ATP11A: variants seen among roughly 807,000 people sequenced by gnomAD.
The protein encoded by ATP11A is ATPase phospholipid transporting 11A.
Under a neutral mutation model 154.4 loss-of-function variants are expected in ATP11A, and 81 were observed. The observed-to-expected ratio is 0.52, with a 90% CI of 0.44 to 0.63. ATP11A has a LOEUF of 0.63. ATP11A is among the 30% of genes least tolerant of loss of function. The pLI, the probability that ATP11A is intolerant of heterozygous loss-of-function variation, is 0.00. For synonymous variants in ATP11A, 623 were observed against 585.9 expected, an observed-to-expected ratio of 1.06 and a Z score of -0.91; for missense variants, 1,316 against 1,474.3, an observed-to-expected ratio of 0.89 and a Z score of 1.76.
intron 29 of ATP11A, among the ~76,000 whole-genome samples, chr13:112,878,697 C>T (rs1287337021): frequency 6.6e-6 from 1 of 152,236 alleles, no homozygotes; most frequent in Non-Finnish European, 1.5e-5. Context: ...ACACCCTTCC[C>T]TCTGCAGCCT....
chr13:112,774,260 C>T (rs554089164), intron 1 of ATP11A, among the ~76,000 whole-genome samples: 2 of 152,324 alleles, frequency 1.3e-5, no homozygotes, highest in East Asian at 3.9e-4. Context: ...CAGCTGATGC[C>T]TCCCAGGTTT....
rs546493440 is a variant in ATP11A, at chr13:112,815,313, C to T, written c.442-770C>T. 2.0e-5 allele frequency among the ~76,000 whole-genome samples: 3 copies of T among 151,706 alleles called. No individual in the cohort carries two copies. In the East Asian group the frequency reaches 5.9e-4, roughly 30 times the overall value. On this transcript the variant is annotated intron_variant, in intron 5 of 29. Coordinates refer to ENST00000375645, the MANE Select transcript of ATP11A (RefSeq NM_015205.3). ...TTCCACACCCTTCAGACACACAGTC[C>T]AGATCTGCGATACCTTCCACACCCT...
At chr13:112,712,067 T>C (rs1594373742) in intron 1 of ATP11A, among the ~76,000 whole-genome samples, 1 of 151,970 alleles carries the variant, frequency 6.6e-6, no homozygotes, top group East Asian at 1.9e-4. Context: ...TGTCGATGAG[T>C]TTAAAAAACA....
chr13:112,789,251 T>A (rs1266151627), intron 2 of ATP11A, among the ~76,000 whole-genome samples: 3 of 148,278 alleles, frequency 2.0e-5, no homozygotes, highest in African/African-American at 7.7e-5. Context: ...CCACACCGGG[T>A]GTCCTGATGC....
intron 1 of ATP11A, among the ~76,000 whole-genome samples, chr13:112,704,770 C>T (rs1013595443): frequency 1.3e-5 from 2 of 152,244 alleles, no homozygotes; most frequent in African/African-American, 4.8e-5. Flanking sequence ...TAAATAATCT[C>T]CTGCTTCAGA....
At position 112,690,813 on chromosome 13, in the gene ATP11A, C is replaced by A. The variant is rs1002626356; in HGVS notation, c.39+358C>A. ...GGACCGGGCGCCCGGAGGGAGCCAA[C>A]TTCGACCCCGCCGGGGCCCGGGTCT... On this transcript the variant is annotated intron_variant, in intron 1 of 29. Coordinates refer to ENST00000375645, the MANE Select transcript of ATP11A (RefSeq NM_015205.3). The surrounding 1 kb of genome is among the most constrained non-coding windows in gnomAD (Gnocchi z 5.6). Among the ~76,000 whole-genome samples the A allele has an allele frequency of 6.6e-6, 1 of 152,110 alleles. No individual in the cohort carries two copies. Among genetic ancestry groups the A allele is most frequent in the Admixed American group, 6.5e-5 (1 of 15,280 alleles).
At chr13:112,867,684 G>A (rs7331855) in intron 25 of ATP11A, among the ~76,000 whole-genome samples, 3,892 of 152,246 alleles carry the variant, frequency 0.026, 184 homozygotes, top group African/African-American at 0.088. Context: ...GGTCTCTTCC[G>A]GCTGTACCCT....
chr13:112,866,378 G>A (rs567951213), intron 25 of ATP11A, among the ~76,000 whole-genome samples: 25 of 152,170 alleles, frequency 1.6e-4, no homozygotes, highest in African/African-American at 4.8e-4. Context: ...GTGTTCCCTC[G>A]GTTGCCATGT....
intron 1 of ATP11A, among the ~76,000 whole-genome samples, chr13:112,698,596 CAA>C (rs985768343): frequency 2.6e-5 from 4 of 152,072 alleles, no homozygotes; most frequent in African/African-American, 9.7e-5. Context: ...GGCTGGGAGT[CAA>C]GAGATGGAAT....
intron 1 of ATP11A, among the ~76,000 whole-genome samples, chr13:112,781,626 G>C (rs1376463389): frequency 6.6e-6 from 1 of 152,132 alleles, no homozygotes; most frequent in African/African-American, 2.4e-5. Flanking sequence ...TGCTGTTAGT[G>C]ACGGTGTCTG....
intron 15 of ATP11A, among the ~76,000 whole-genome samples, 196 bp downstream of exon 15, chr13:112,834,856 G>GCC (rs2079189582): frequency 6.6e-6 from 1 of 152,264 alleles, no homozygotes; most frequent in South Asian, 2.1e-4. Context: ...GGGCTTGGGT[G>GCC]CAGCCACAGC....
intron 3 of ATP11A, 127 bp from the exon 4 acceptor site, chr13:112,806,086 C>G: frequency 1.6e-6 from 1 of 637,640 alleles, no homozygotes; most frequent in South Asian, 2.0e-5. Context: ...GGTGGGCAGT[C>G]AGGTGCCAGC....
chr13:112,791,238 T>C (rs550215394), intron 2 of ATP11A, among the ~76,000 whole-genome samples: 1 of 152,206 alleles, frequency 6.6e-6, no homozygotes, highest in Non-Finnish European at 1.5e-5. Flanking sequence ...CATTGTGGAC[T>C]TGTAGGGCAG....
intron 1 of ATP11A, among the ~76,000 whole-genome samples, chr13:112,701,066 GGGCA>G (rs1886465874): frequency 6.6e-6 from 1 of 152,188 alleles, no homozygotes; most frequent in Admixed American, 6.5e-5. Flanking sequence ...GGACGTTGGG[GGGCA>G]GGAGTGGCCG....
At chr13:112,808,487 C>T (rs1413433757) in intron 4 of ATP11A, among the ~76,000 whole-genome samples, 2 of 148,168 alleles carry the variant, frequency 1.3e-5, no homozygotes, top group Non-Finnish European at 3.0e-5. Flanking sequence ...CCCCCTCGAC[C>T]TTCCCCCACT....
At chr13:112,755,569 G>A (rs1050213479) in intron 1 of ATP11A, among the ~76,000 whole-genome samples, 1 of 152,222 alleles carries the variant, frequency 6.6e-6, no homozygotes, top group Non-Finnish European at 1.5e-5. Flanking sequence ...TTCCAGTCAC[G>A]GAACCGTCAC....
chr13:112,833,833 TTCA>T (rs2079160574), intron 14 of ATP11A, among the ~76,000 whole-genome samples: 2 of 152,200 alleles, frequency 1.3e-5, no homozygotes, highest in Admixed American at 1.3e-4. Flanking sequence ...TGCCACTGCC[TTCA>T]TCACAGGTGT....
chr13:112,699,085 T>A (rs576545174), intron 1 of ATP11A, among the ~76,000 whole-genome samples: 1 of 152,334 alleles, frequency 6.6e-6, no homozygotes, highest in South Asian at 2.1e-4. Context: ...AGAAACTGAT[T>A]TTTCTATGAA....
Position 112,859,512 on chromosome 13 carries a change from G to A in ATP11A, c.2727+60G>A. ...AGCCTTCTTTTCCTTCCCGCAGTGGGTGGCTGCTGTGGGGAGGGGAGACTT... is the reference window on the plus strand; with the variant it reads ...AGCCTTCTTTTCCTTCCCGCAGTGGATGGCTGCTGTGGGGAGGGGAGACTT... On this transcript the variant is annotated intron_variant, in intron 23 of 29. Transcript: ENST00000375645. This position sits in a 1 kb window ranked among gnomAD's most constrained non-coding sequence, Gnocchi z 4.3. The A allele has an allele frequency of 7.1e-7, 1 of 1,403,404 alleles. No individual in the cohort carries two copies. 86.9% of individuals were successfully genotyped at this position (1,403,404 alleles called of 1,614,324 possible). A position where few individuals can be genotyped will look rare whatever the true frequency, so the allele number is the denominator to read the frequency against.
Sources: gnomAD v4.1 joint callset for allele counts (sites outside exome capture counted in the v4.1 genomes callset) on GRCh38, gnomAD v4.1.1 for gene constraint, Gnocchi (gnomAD v3.1) non-coding constraint, MANE v1.5 for transcripts, NCBI Gene and HGNC (gene_info 2026-07-23, HGNC 2026-07-21) for gene names.